Variants in FAM83B observed in about 807,000 individuals in gnomAD.
FAM83B encodes the protein scaffolding CK1 anchoring protein B, also known as protein FAM83B.
FAM83B carries 26 observed loss-of-function variants against 38.8 expected under a neutral mutation model. The ratio of observed to expected loss-of-function variants is 0.67; its 90% CI spans 0.49 to 0.93. The LOEUF is 0.93. Among genes scored for constraint, FAM83B ranks in the 40% least tolerant of loss-of-function variants. The probability of loss-of-function intolerance (pLI) is 0.00; values close to 1 mark genes in which losing one functional copy is unlikely to be tolerated. For missense variants in FAM83B, 1,237 were observed against 1,197.3 expected (o/e 1.03, Z -0.49); for synonymous variants, 419 against 423.1 (o/e 0.99, Z 0.12).
At chr6:54,849,608 G>T (rs1204096379) in intron 1 of FAM83B, among the ~76,000 whole-genome samples, 1 of 151,604 alleles carries the variant, frequency 6.6e-6, no homozygotes, top group Admixed American at 6.6e-5. Flanking sequence ...AAATATGAGA[G>T]ATATTCATTG....
intron 1 of FAM83B, among the ~76,000 whole-genome samples, chr6:54,848,172 T>G (rs565262899): frequency 1.3e-5 from 2 of 152,292 alleles, no homozygotes; most frequent in Admixed American, 6.5e-5. Context: ...AACAGAATGA[T>G]GGAAGGTTGG....
In FAM83B at chr6:54,940,544, A is replaced by C. The variant is rs1773650540; in HGVS notation, c.1573A>C (p.Asn525His). Residue 525 changes from asparagine to histidine, a missense_variant, in exon 5 of 5, where the codon AAT becomes CAT. By Grantham distance (68) the Asn-to-His change is moderately conservative. Transcript: ENST00000306858. ...AGGTGACCGATTTGAGGGCTATGAT[A>C]ATCCTGAGAATTTGAAGGCCAATGC... is the stretch of plus-strand genomic sequence containing the variant. ...ALGDRFEGYD[N>H]PENLKANALY... 10 of 1,614,066 alleles carry C rather than the reference A, an allele frequency of 6.2e-6. No individual in the cohort carries two copies. Among genetic ancestry groups the C allele is most frequent in the Non-Finnish European group, 6.8e-6 (8 of 1,180,008 alleles).
intron 1 of FAM83B, among the ~76,000 whole-genome samples, chr6:54,867,496 A>C (rs1396359612): frequency 6.6e-6 from 1 of 152,054 alleles, no homozygotes; most frequent in East Asian, 1.9e-4. Context: ...TCTTGTACAT[A>C]ATATTGTAAC....
chr6:54,881,354 A>G (rs1772126576), intron 2 of FAM83B, among the ~76,000 whole-genome samples: 1 of 152,224 alleles, frequency 6.6e-6, no homozygotes. Flanking sequence ...CTGTGTAATC[A>G]TCAGTAAGAA....
At chr6:54,852,129 C>G (rs1771314560) in intron 1 of FAM83B, among the ~76,000 whole-genome samples, 1 of 152,218 alleles carries the variant, frequency 6.6e-6, no homozygotes, top group African/African-American at 2.4e-5. Flanking sequence ...GCACAGTTCT[C>G]TACTTTGGTA....
intron 1 of FAM83B, among the ~76,000 whole-genome samples, chr6:54,860,059 G>A (rs939594884): frequency 6.6e-6 from 1 of 152,068 alleles, no homozygotes; most frequent in Admixed American, 6.5e-5. Context: ...GTGTGTGTGT[G>A]TGTGTGTGTG....
At chr6:54,847,979 A>G (rs1392487917) in intron 1 of FAM83B, among the ~76,000 whole-genome samples, 1 of 152,018 alleles carries the variant, frequency 6.6e-6, no homozygotes, top group Admixed American at 6.5e-5. Flanking sequence ...TCTCATCCTA[A>G]CAAGTGCAAG....
intron 2 of FAM83B, among the ~76,000 whole-genome samples, chr6:54,901,649 T>TA (rs2127582345): frequency 6.6e-6 from 1 of 152,272 alleles, no homozygotes; most frequent in African/African-American, 2.4e-5. Context: ...ATAAAGAAAA[T>TA]AAACAATATT....
chr6:54,918,459 C>T (rs148517280), intron 2 of FAM83B, among the ~76,000 whole-genome samples: 2 of 152,252 alleles, frequency 1.3e-5, no homozygotes, highest in East Asian at 3.9e-4. Context: ...CAGAGTTCTG[C>T]AGGGCTGGCG....
intron 2 of FAM83B, among the ~76,000 whole-genome samples, chr6:54,892,322 T>C (rs991819025): frequency 5.3e-5 from 8 of 152,130 alleles, no homozygotes; most frequent in Non-Finnish European, 7.4e-5. Flanking sequence ...GTTTGTTATA[T>C]AAATAAAATC....
intron 2 of FAM83B, among the ~76,000 whole-genome samples, chr6:54,871,876 C>T (rs1425362978): frequency 4.6e-5 from 7 of 151,258 alleles, no homozygotes; most frequent in Non-Finnish European, 7.4e-5. Context: ...GAAGCACACA[C>T]GCATGACATT....
At chr6:54,923,333 A>G (rs1013464847) in intron 2 of FAM83B, among the ~76,000 whole-genome samples, 1 of 151,914 alleles carries the variant, frequency 6.6e-6, no homozygotes, top group Non-Finnish European at 1.5e-5. Context: ...TCCTTTCTAT[A>G]TCAAACTTAA....
At chr6:54,889,210 G>A (rs1772347014) in intron 2 of FAM83B, among the ~76,000 whole-genome samples, 1 of 151,928 alleles carries the variant, frequency 6.6e-6, no homozygotes, top group Admixed American at 6.6e-5. Flanking sequence ...TAACACCAAT[G>A]TCTGCATTAC....
intron 2 of FAM83B, among the ~76,000 whole-genome samples, chr6:54,881,497 G>A (rs2127577902): frequency 6.6e-6 from 1 of 151,898 alleles, no homozygotes; most frequent in East Asian, 1.9e-4. Context: ...AACATGAAAG[G>A]GAAAACATTG....
At chr6:54,846,983 G>A (rs1212902650) in intron 1 of FAM83B, among the ~76,000 whole-genome samples, 157 bp downstream of exon 1, 1 of 152,200 alleles carries the variant, frequency 6.6e-6, no homozygotes, top group East Asian at 1.9e-4. Flanking sequence ...CCTTGGGAGC[G>A]CAGGCGGGAT....
rs770727552 is a variant in FAM83B, at chr6:54,944,064, A to G, written c.*2057A>G. ...TTATTTTTCTCTGCGTTTTTTAAAA[A>G]TTGTTTTTCTTGTATCTTTTTTCTT... is the stretch of plus-strand genomic sequence containing the variant. On this transcript the variant is annotated 3_prime_UTR_variant, in exon 5 of 5. Coordinates refer to ENST00000306858, the MANE Select transcript of FAM83B (RefSeq NM_001010872.3). 6.6e-6 allele frequency: 1 copy of G among 152,112 alleles called. No individual in the cohort carries two copies. The highest frequency in any genetic ancestry group is 1.5e-5 in the Non-Finnish European group (1 of 68,026). 9.4% of individuals were successfully genotyped at this position (152,112 alleles called of 1,614,324 possible).
intron 1 of FAM83B, among the ~76,000 whole-genome samples, chr6:54,855,140 A>C (rs914314051): frequency 6.6e-6 from 1 of 152,232 alleles, no homozygotes; most frequent in Non-Finnish European, 1.5e-5. Flanking sequence ...ACGCAGTAAA[A>C]AGAAATACAG....
chr6:54,853,626 G>A (rs952487503), intron 1 of FAM83B, among the ~76,000 whole-genome samples: 5 of 152,026 alleles, frequency 3.3e-5, no homozygotes, highest in African/African-American at 1.2e-4. Flanking sequence ...GCCTACTGTT[G>A]AGACCTACTT....
chr6:54,942,703 C>G lies in FAM83B; in HGVS notation c.*696C>G, dbSNP rs1443366896. The stretch of plus-strand genomic sequence containing the variant: ...TACACTGGACCCAGGGAGCTGTCCC[C>G]CTCTTACCCATAGGCTGCTGATTTT... On this transcript the variant is annotated 3_prime_UTR_variant, in exon 5 of 5. Transcript: ENST00000306858. Among the ~76,000 whole-genome samples, 1 of 140,930 alleles carries G rather than the reference C, an allele frequency of 7.1e-6. No individual in the cohort carries two copies. The highest frequency in any genetic ancestry group is 1.5e-5 in the Non-Finnish European group (1 of 67,928). 92.5% of individuals were successfully genotyped at this position (140,930 alleles called of 152,430 possible).
Sources: allele counts gnomAD v4.1 joint callset (sites outside exome capture counted in the v4.1 genomes callset), GRCh38; gene constraint gnomAD v4.1.1; transcripts MANE v1.5; gene names NCBI Gene and HGNC (gene_info 2026-07-23, HGNC 2026-07-21).